The following TECTB variants were observed in gnomAD, a reference collection of about 807,000 sequenced individuals.
TECTB encodes the protein tectorin beta, also known as beta-tectorin.
A neutral mutation model predicts 43.3 loss-of-function variants in TECTB; 45 were observed. The observed-to-expected ratio is 1.04, with a 90% CI of 0.82 to 1.33. The LOEUF (loss-of-function observed/expected upper bound fraction) is 1.33. Among genes scored for constraint, TECTB ranks in the 40% most tolerant of loss-of-function variants. TECTB has a pLI of 0.00. For missense variants in TECTB, 399 were observed against 404.7 expected, an observed-to-expected ratio of 0.99 and a Z score of 0.12; for synonymous variants, 169 against 156.7, an observed-to-expected ratio of 1.08 and a Z score of -0.59.
At chr10:112,289,464 CT>C (rs1848480608) in intron 5 of TECTB, among the ~76,000 whole-genome samples, 1 of 152,178 alleles carries the variant, frequency 6.6e-6, no homozygotes, top group Non-Finnish European at 1.5e-5. Context: ...TGCAATATTG[CT>C]GTGGGGTGGC....
At chr10:112,303,195 C>T (rs1848626919) in intron 10 of TECTB, 68 bp from the exon 11 acceptor site, 1 of 1,582,420 alleles carries the variant, frequency 6.3e-7, no homozygotes, top group Non-Finnish European at 8.7e-7. Flanking sequence ...GTTAACTCTT[C>T]TGTTGAGTTG....
At chr10:112,302,782 G>A (rs1205329418) in intron 10 of TECTB, 1 of 174,698 alleles carries the variant, frequency 5.7e-6, no homozygotes, top group Non-Finnish European at 1.2e-5. Flanking sequence ...TTCAATGGGG[G>A]ACGTGATTTA....
intron 5 of TECTB, among the ~76,000 whole-genome samples, chr10:112,290,271 G>C (rs1003094960): frequency 2.6e-5 from 4 of 152,056 alleles, no homozygotes; most frequent in African/African-American, 9.7e-5. Context: ...ATATATATAG[G>C]GTTTGGTACT....
intron 9 of TECTB, among the ~76,000 whole-genome samples, chr10:112,299,901 G>T (rs1231392118): frequency 6.6e-6 from 1 of 152,026 alleles, no homozygotes. Flanking sequence ...GGTGGCTCAC[G>T]CCTGTAATCC....
intron 5 of TECTB, among the ~76,000 whole-genome samples, chr10:112,287,784 G>A (rs1008415922): frequency 1.3e-5 from 2 of 152,200 alleles, no homozygotes; most frequent in African/African-American, 2.4e-5. Flanking sequence ...TTTACTTACT[G>A]CGAAGGGAAT....
At chr10:112,297,852 G>A (rs1192380512) in intron 7 of TECTB, among the ~76,000 whole-genome samples, 4 of 152,170 alleles carry the variant, frequency 2.6e-5, no homozygotes, top group Middle Eastern at 3.4e-3. Context: ...CCCTCCCATC[G>A]TACCTTGTCT....
In TECTB at chr10:112,303,407, C is replaced by A; in HGVS notation, c.*95C>A. 1 of 1,496,984 alleles carries A rather than the reference C, an allele frequency of 6.7e-7. No individual in the cohort carries two copies. The highest frequency in any genetic ancestry group is 9.3e-7 in the Non-Finnish European group (1 of 1,074,784). 92.7% of individuals were successfully genotyped at this position (1,496,984 alleles called of 1,614,324 possible). ...GCTGCCAAAAAGAACAAACAGAAGA[C>A]CACATTGTTGGGGGGCAGAGAATAG... is the stretch of plus-strand genomic sequence containing the variant. On this transcript the variant is annotated 3_prime_UTR_variant, in exon 11 of 11. Transcript: ENST00000646139.
intron 5 of TECTB, among the ~76,000 whole-genome samples, chr10:112,289,819 G>A (rs1485540084): frequency 6.6e-6 from 1 of 152,118 alleles, no homozygotes; most frequent in African/African-American, 2.4e-5. Flanking sequence ...CTAGGTTCTG[G>A]AAGACTCTAG....
intron 2 of TECTB, 38 bp downstream of exon 2, chr10:112,283,848 G>A: frequency 6.3e-7 from 1 of 1,594,096 alleles, no homozygotes; most frequent in Non-Finnish European, 8.6e-7. Flanking sequence ...GGGACGAAAA[G>A]TTTCCTGAAG....
intron 5 of TECTB, among the ~76,000 whole-genome samples, chr10:112,287,478 G>A (rs1386531944): frequency 6.6e-6 from 1 of 152,236 alleles, no homozygotes; most frequent in African/African-American, 2.4e-5. Context: ...GAACATTAGA[G>A]CCAGAGGACC....
chr10:112,294,063 T>G lies in TECTB; in HGVS notation c.671+2T>G, dbSNP rs750825810. The G allele has an allele frequency of 1.3e-5, 21 of 1,613,622 alleles. No homozygotes were observed. In the South Asian group the frequency reaches 2.2e-4, roughly 17 times the overall value. ...GCAGTGGCAGCTGATCAACAAGGGG[T>G]AGGTACACTATCTAGAGACAGGGCT... On this transcript the variant is annotated splice_donor_variant, in intron 7 of 10. Transcript: ENST00000646139. LOFTEE classifies it high-confidence loss of function.
At chr10:112,299,057 G>A (rs1848573418) in intron 8 of TECTB, among the ~76,000 whole-genome samples, 1 of 152,210 alleles carries the variant, frequency 6.6e-6, no homozygotes, top group African/African-American at 2.4e-5. Context: ...GAGGAGGGGA[G>A]AGACACTGTA....
At chr10:112,285,023 A>G (rs1848442606) in intron 3 of TECTB, among the ~76,000 whole-genome samples, 1 of 152,188 alleles carries the variant, frequency 6.6e-6, no homozygotes, top group Admixed American at 6.5e-5. Context: ...CTGTGCTCAC[A>G]AGCCGCCATC....
intron 5 of TECTB, among the ~76,000 whole-genome samples, chr10:112,289,805 C>A (rs1040405373): frequency 1.3e-5 from 2 of 152,126 alleles, no homozygotes; most frequent in South Asian, 2.1e-4. Context: ...TCAGAGGTGA[C>A]CTTCTAGGTT....
chr10:112,301,173 A>C (rs1281362790), intron 9 of TECTB, among the ~76,000 whole-genome samples: 1 of 152,266 alleles, frequency 6.6e-6, no homozygotes, highest in African/African-American at 2.4e-5. Context: ...CTCTAATTCC[A>C]GCACTTTGGG....
intron 9 of TECTB, among the ~76,000 whole-genome samples, chr10:112,300,345 A>G (rs1848598866): frequency 2.7e-5 from 4 of 147,056 alleles, no homozygotes; most frequent in East Asian, 2.1e-4. Flanking sequence ...AAGAAAAGAA[A>G]GAAGGAAGGA....
Position 112,298,239 on chromosome 10 carries a change from G to T in TECTB, c.834+8G>T. ...AAACTCTCCTGCCCAGTGGTGAGCTGCCTCTCTCCAGAAGGACAATGTTAC... is the reference window on the plus strand; with the variant it reads ...AAACTCTCCTGCCCAGTGGTGAGCTTCCTCTCTCCAGAAGGACAATGTTAC... On this transcript the variant is annotated splice_region_variant and intron_variant, in intron 8 of 10. Coordinates refer to ENST00000646139, the MANE Select transcript of TECTB (RefSeq NM_058222.3). 2 of 1,611,172 alleles carry T rather than the reference G, an allele frequency of 1.2e-6. No individual in the cohort carries two copies. Among genetic ancestry groups the T allele is most frequent in the Admixed American group, 1.7e-5 (1 of 59,514 alleles).
Position 112,283,653 on chromosome 10 carries a change from T to A in TECTB, c.-82T>A. On this transcript the variant is annotated 5_prime_UTR_variant, in exon 2 of 11. Transcript: ENST00000646139. Reference sequence around the variant, plus strand: ...CATTCATGTTTCTGACTTAGAATGATCGAGGCTCAGGCCCTGGAAGGACCG... The same window carrying A: ...CATTCATGTTTCTGACTTAGAATGAACGAGGCTCAGGCCCTGGAAGGACCG... 2 of 1,289,024 alleles carry A rather than the reference T, an allele frequency of 1.6e-6. No individual in the cohort carries two copies. The highest frequency in any genetic ancestry group is 2.2e-6 in the Non-Finnish European group (2 of 905,088). 79.8% of individuals were successfully genotyped at this position (1,289,024 alleles called of 1,614,324 possible). A position where few individuals can be genotyped will look rare whatever the true frequency, so the allele number is the denominator to read the frequency against.
At chr10:112,296,348 G>A (rs1030545933) in intron 7 of TECTB, among the ~76,000 whole-genome samples, 1 of 152,098 alleles carries the variant, frequency 6.6e-6, no homozygotes, top group Non-Finnish European at 1.5e-5. Flanking sequence ...ACCATCTAGA[G>A]GCAGCTGCCA....
Sources: gnomAD v4.1 joint callset for allele counts (sites outside exome capture counted in the v4.1 genomes callset) on GRCh38, gnomAD v4.1.1 for gene constraint, MANE v1.5 for transcripts, NCBI Gene and HGNC (gene_info 2026-07-23, HGNC 2026-07-21) for gene names.